Variants in CRY1 observed in about 807,000 individuals in gnomAD.
CRY1 encodes cryptochrome-1.
A neutral mutation model predicts 76.0 loss-of-function variants in CRY1; 45 were observed. The ratio of observed to expected loss-of-function variants is 0.59; its 90% confidence interval spans 0.47 to 0.76. CRY1 has a LOEUF of 0.76. Among genes scored for constraint, CRY1 ranks in the 30% least tolerant of loss-of-function variants. CRY1 has a pLI of 0.00. For synonymous variants in CRY1, 248 were observed against 244.0 expected (o/e 1.02, Z -0.15); for missense variants, 587 against 716.4 (o/e 0.82, Z 2.06).
intron 1 of CRY1, among the ~76,000 whole-genome samples, chr12:107,040,286 AGT>A (rs1952782337): frequency 1.9e-5 from 2 of 106,192 alleles, no homozygotes; most frequent in Non-Finnish European, 3.8e-5. Flanking sequence ...TTTTTTTTTT[AGT>A]TTTTTTTTTT....
intron 1 of CRY1, among the ~76,000 whole-genome samples, chr12:107,033,135 T>C (rs759234373): frequency 2.6e-5 from 4 of 152,116 alleles, no homozygotes; most frequent in Admixed American, 1.3e-4. Context: ...GCAAACAAAT[T>C]TGAAAACTTA....
intron 1 of CRY1, among the ~76,000 whole-genome samples, chr12:107,047,203 A>G (rs1952859233): frequency 6.6e-6 from 1 of 152,248 alleles, no homozygotes; most frequent in African/African-American, 2.4e-5. Context: ...GAATAAAATT[A>G]TAAATCACTA....
chr12:107,000,178 T>C, intron 5 of CRY1, 96 bp from the exon 6 acceptor site: 5 of 1,236,842 alleles, frequency 4.0e-6, no homozygotes, highest in Non-Finnish European at 4.4e-6. Flanking sequence ...GTTACATAGT[T>C]CTTGGGGAAT....
At chr12:107,042,302 A>G (rs1032146160) in intron 1 of CRY1, among the ~76,000 whole-genome samples, 1 of 152,206 alleles carries the variant, frequency 6.6e-6, no homozygotes, top group Admixed American at 6.5e-5. Flanking sequence ...ATGTTTAAGG[A>G]GACAGAATAT....
chr12:107,060,274 T>C (rs960320318), intron 1 of CRY1, among the ~76,000 whole-genome samples: 1 of 152,360 alleles, frequency 6.6e-6, no homozygotes, highest in Non-Finnish European at 1.5e-5. Context: ...ACCTTTAAGA[T>C]GTGATGAGGC....
At chr12:107,061,787 T>C (rs1057029519) in intron 1 of CRY1, among the ~76,000 whole-genome samples, 3 of 152,174 alleles carry the variant, frequency 2.0e-5, no homozygotes, top group Non-Finnish European at 4.4e-5. Flanking sequence ...TAGCATATCA[T>C]TAATTTCTTT....
intron 1 of CRY1, among the ~76,000 whole-genome samples, chr12:107,061,280 T>C (rs901301300): frequency 2.6e-5 from 4 of 152,162 alleles, no homozygotes; most frequent in African/African-American, 9.7e-5. Flanking sequence ...GGCTCACTAC[T>C]ATAAGCACTC....
chr12:107,036,783 C>A (rs1409026416), intron 1 of CRY1, among the ~76,000 whole-genome samples: 2 of 152,032 alleles, frequency 1.3e-5, no homozygotes, highest in East Asian at 3.9e-4. Flanking sequence ...GATGTTCTTT[C>A]CATCCAGAAT....
intron 1 of CRY1, among the ~76,000 whole-genome samples, chr12:107,078,689 C>T (rs1190707277): frequency 6.6e-6 from 1 of 152,128 alleles, no homozygotes; most frequent in Non-Finnish European, 1.5e-5. Flanking sequence ...ATGTTGATAT[C>T]TTAGCAGTGC....
intron 10 of CRY1, among the ~76,000 whole-genome samples, chr12:106,993,818 G>A (rs1952204770): frequency 6.6e-6 from 1 of 151,864 alleles, no homozygotes; most frequent in African/African-American, 2.4e-5. Context: ...TAATAATGCC[G>A]ATGAACTGAT....
At chr12:107,018,642 TG>T (rs1952522292) in intron 2 of CRY1, among the ~76,000 whole-genome samples, 1 of 151,988 alleles carries the variant, frequency 6.6e-6, no homozygotes, top group African/African-American at 2.4e-5. Context: ...ATAATGAGAA[TG>T]TTTTTAAAAA....
In CRY1 at chr12:107,093,095, A is replaced by T; in HGVS notation, c.-134T>A. ...AGGGCGGCAGAGGGGGAACAGGAAAAAATGACTCCGAGGAGGGGACCGGAG... is the reference window on the plus strand; with the variant it reads ...AGGGCGGCAGAGGGGGAACAGGAAATAATGACTCCGAGGAGGGGACCGGAG... On this transcript the variant is annotated 5_prime_UTR_variant, in exon 1 of 13. Coordinates refer to ENST00000008527, the MANE Select transcript of CRY1 (RefSeq NM_004075.5). The T allele has an allele frequency of 9.2e-7, 1 of 1,090,104 alleles. No homozygotes were observed. Among genetic ancestry groups the T allele is most frequent in the Non-Finnish European group, 1.3e-6 (1 of 799,236 alleles). The allele number at this position is 1,090,104 out of a possible 1,614,324, so 67.5% of individuals were successfully genotyped here.
chr12:107,036,207 A>C (rs1220024734), intron 1 of CRY1, among the ~76,000 whole-genome samples: 2 of 152,214 alleles, frequency 1.3e-5, no homozygotes, highest in Non-Finnish European at 2.9e-5. Context: ...CCAGACTGCA[A>C]AGAGAGCTGA....
chr12:107,012,383 C>T lies in CRY1; in HGVS notation c.268-7135G>A, dbSNP rs376618213. Among the ~76,000 whole-genome samples the T allele has an allele frequency of 2.6e-4, 40 of 152,266 alleles. 1 individual carries two copies. The South Asian group carries it at 8.3e-3, about 32-fold the overall frequency. On this transcript the variant is annotated intron_variant, in intron 2 of 12. Coordinates refer to ENST00000008527, the MANE Select transcript of CRY1 (RefSeq NM_004075.5). Reference sequence around the variant, plus strand: ...CTGTGCAGAACAGGAACAACAAAGCCTGGATGACAGCACATGTGTTTACAA... The same window carrying T: ...CTGTGCAGAACAGGAACAACAAAGCTTGGATGACAGCACATGTGTTTACAA...
intron 1 of CRY1, among the ~76,000 whole-genome samples, chr12:107,036,507 C>A (rs1484379092): frequency 1.3e-5 from 2 of 152,104 alleles, no homozygotes; most frequent in Non-Finnish European, 2.9e-5. Context: ...AGTCTTCACC[C>A]AGATGCCAAG....
At chr12:107,013,815 A>ATCTTTT (rs1211881978) in intron 2 of CRY1, among the ~76,000 whole-genome samples, 2 of 152,228 alleles carry the variant, frequency 1.3e-5, no homozygotes, top group African/African-American at 4.8e-5. Flanking sequence ...AAGCTATTTT[A>ATCTTTT]AAAGATAAAA....
chr12:107,005,386 A>C (rs753011526), intron 2 of CRY1, 138 bp from the exon 3 acceptor site: 1 of 867,510 alleles, frequency 1.2e-6, no homozygotes, highest in Non-Finnish European at 1.7e-6. Context: ...AGGAAAAAGT[A>C]AACAATTTAT....
chr12:107,016,890 T>C (rs371009485), intron 2 of CRY1, among the ~76,000 whole-genome samples: 1 of 152,206 alleles, frequency 6.6e-6, no homozygotes, highest in Non-Finnish European at 1.5e-5. Context: ...ATATCACATA[T>C]AGGCAAACCT....
intron 1 of CRY1, among the ~76,000 whole-genome samples, chr12:107,065,869 C>A (rs193201436): frequency 6.6e-6 from 1 of 152,144 alleles, no homozygotes; most frequent in African/African-American, 2.4e-5. Flanking sequence ...TTTATCTCTG[C>A]CTCTGCATTA....
Sources: gnomAD v4.1 joint callset for allele counts (sites outside exome capture counted in the v4.1 genomes callset) on GRCh38, gnomAD v4.1.1 for gene constraint, MANE v1.5 for transcripts, NCBI Gene and HGNC (gene_info 2026-07-23, HGNC 2026-07-21) for gene names.